TENM4: variants seen among roughly 807,000 people sequenced by gnomAD.
The protein encoded by TENM4 is teneurin transmembrane protein 4.
A neutral mutation model predicts 243.3 loss-of-function variants in TENM4; 82 were observed. That is an observed-to-expected ratio of 0.34 (90% CI 0.28 to 0.40). The LOEUF (loss-of-function observed/expected upper bound fraction) is 0.40. Ranked by LOEUF, TENM4 falls within the 10% of genes least tolerant of loss-of-function variation. TENM4 has a pLI of 1.00. For synonymous variants in TENM4, 1,412 were observed against 1,456.3 expected (o/e 0.97, Z 0.69); for missense variants, 3,138 against 3,673.3 (o/e 0.85, Z 3.77).
chr11:79,217,425 G>A (rs1021492006), intron 2 of TENM4, among the ~76,000 whole-genome samples: 2 of 152,096 alleles, frequency 1.3e-5, no homozygotes, highest in Non-Finnish European at 2.9e-5. Flanking sequence ...CCCCCAAAAA[G>A]CCATTATTTG....
At chr11:78,726,648 G>T (rs1855518126) in intron 22 of TENM4, among the ~76,000 whole-genome samples, 1 of 152,070 alleles carries the variant, frequency 6.6e-6, no homozygotes, top group Non-Finnish European at 1.5e-5. Flanking sequence ...CCATCCTCTT[G>T]GTGCTGTTCT....
chr11:79,093,337 C>T (rs1227011795), intron 4 of TENM4: 1 of 152,256 alleles, frequency 6.6e-6, no homozygotes, highest in Non-Finnish European at 1.5e-5. Context: ...GCCACTTGTT[C>T]TTCTTGCCAT....
intron 4 of TENM4, among the ~76,000 whole-genome samples, chr11:79,120,953 G>A (rs975677420): frequency 6.6e-6 from 1 of 152,228 alleles, no homozygotes; most frequent in Non-Finnish European, 1.5e-5. Context: ...GGCCTCGGGA[G>A]CTTATATAAC....
chr11:79,372,655 C>T (rs1409349293), intron 1 of TENM4, among the ~76,000 whole-genome samples: 1 of 152,176 alleles, frequency 6.6e-6, no homozygotes, highest in Non-Finnish European at 1.5e-5. Context: ...AGTCATTTGA[C>T]TTCTCTAAGC....
intron 3 of TENM4, among the ~76,000 whole-genome samples, chr11:79,178,798 T>C (rs1369875310): frequency 6.6e-6 from 1 of 152,104 alleles, no homozygotes; most frequent in Non-Finnish European, 1.5e-5. Flanking sequence ...CAGTAGGCAA[T>C]AAGAAATACC....
intron 6 of TENM4, among the ~76,000 whole-genome samples, chr11:79,015,197 A>AGG (rs1858741214): frequency 2.0e-5 from 3 of 152,230 alleles, no homozygotes; most frequent in Non-Finnish European, 2.9e-5. Context: ...CAACCATAGA[A>AGG]GGTGGGCATT....
Position 78,753,197 on chromosome 11 carries a change from C to T in TENM4, c.2756+3608G>A, listed in dbSNP as rs970119345. On this transcript the variant is annotated intron_variant, in intron 19 of 33. Coordinates refer to ENST00000278550, the MANE Select transcript of TENM4 (RefSeq NM_001098816.3). Reference sequence around the variant, plus strand: ...TGATATGCGGCTGCTACAAAAGCCACCATTTACTGATCACCTAATATGTAC... The same window carrying T: ...TGATATGCGGCTGCTACAAAAGCCATCATTTACTGATCACCTAATATGTAC... Among the ~76,000 whole-genome samples, 24 of 152,214 alleles carry T rather than the reference C, an allele frequency of 1.6e-4. 1 individual carries two copies. Among genetic ancestry groups the T allele is most frequent in the Admixed American group, 3.9e-4 (6 of 15,284 alleles).
At chr11:78,889,510 G>A (rs569181858) in intron 9 of TENM4, among the ~76,000 whole-genome samples, 149 of 152,286 alleles carry the variant, frequency 9.8e-4, no homozygotes, top group African/African-American at 3.4e-3. Flanking sequence ...GAGCACTCAC[G>A]CCTTAATACC....
chr11:79,387,773 G>A (rs1028787712), intron 1 of TENM4, among the ~76,000 whole-genome samples: 8 of 152,230 alleles, frequency 5.3e-5, no homozygotes, highest in African/African-American at 1.7e-4. Flanking sequence ...GGGAGGCCAA[G>A]GCAGGTGGAT....
intron 4 of TENM4, among the ~76,000 whole-genome samples, chr11:79,142,575 T>G (rs1469110947): frequency 2.6e-5 from 4 of 152,136 alleles, no homozygotes; most frequent in Admixed American, 2.6e-4. Context: ...ATCCACAGAT[T>G]GAATGCAATT....
At chr11:79,400,099 CCACACACA>C (rs71050221) in intron 1 of TENM4, among the ~76,000 whole-genome samples, 9,933 of 140,560 alleles carry the variant, frequency 0.071, 416 homozygotes, top group African/African-American at 0.086. Context: ...TAAACACACA[CCACACACA>C]CACACACACA....
At chr11:78,867,110 A>G (rs2511822) in intron 9 of TENM4, among the ~76,000 whole-genome samples, 40 of 152,308 alleles carry the variant, frequency 2.6e-4, no homozygotes, top group Non-Finnish European at 5.6e-4. Context: ...CAAACAATCC[A>G]ATTATACTTT....
chr11:78,996,394 G>C (rs752066293), intron 6 of TENM4, among the ~76,000 whole-genome samples: 1 of 152,192 alleles, frequency 6.6e-6, no homozygotes, highest in Non-Finnish European at 1.5e-5. Context: ...CAGAACACAT[G>C]AGTAAAGCCA....
intron 15 of TENM4, among the ~76,000 whole-genome samples, chr11:78,788,029 T>C (rs781281264): frequency 6.6e-6 from 1 of 152,210 alleles, no homozygotes; most frequent in Non-Finnish European, 1.5e-5. Flanking sequence ...ACTGACTTGA[T>C]TCTCATGCCT....
At chr11:79,199,626 A>G (rs1427817977) in intron 3 of TENM4, among the ~76,000 whole-genome samples, 1 of 152,214 alleles carries the variant, frequency 6.6e-6, no homozygotes, top group Non-Finnish European at 1.5e-5. Context: ...CTTCCATTAC[A>G]GATATGCAGT....
At chr11:78,750,282 C>T in intron 19 of TENM4, among the ~76,000 whole-genome samples, 1 of 152,208 alleles carries the variant, frequency 6.6e-6, no homozygotes, top group African/African-American at 2.4e-5. Context: ...TTTCCTTCTA[C>T]TCCATTCCAG....
At chr11:78,715,513 A>C (rs1859501819) in intron 25 of TENM4, among the ~76,000 whole-genome samples, 1 of 152,168 alleles carries the variant, frequency 6.6e-6, no homozygotes, top group Non-Finnish European at 1.5e-5. Context: ...CAGATCAGTC[A>C]ATTCCAGGAC....
chr11:79,109,776 C>T (rs1001020480), intron 4 of TENM4, among the ~76,000 whole-genome samples: 2 of 152,170 alleles, frequency 1.3e-5, no homozygotes, highest in African/African-American at 4.8e-5. Context: ...GACAATGGAA[C>T]AAGAACAGTT....
intron 12 of TENM4, among the ~76,000 whole-genome samples, chr11:78,832,943 G>A (rs546388174): frequency 6.6e-6 from 1 of 152,332 alleles, no homozygotes; most frequent in East Asian, 1.9e-4. Flanking sequence ...TTCCTGGAGA[G>A]AAATAAATGC....
Sources: allele counts gnomAD v4.1 joint callset (sites outside exome capture counted in the v4.1 genomes callset), GRCh38; gene constraint gnomAD v4.1.1; transcripts MANE v1.5; gene names NCBI Gene and HGNC (gene_info 2026-07-23, HGNC 2026-07-21).